AGBL4: variants seen among roughly 807,000 people sequenced by gnomAD.
AGBL4 encodes the protein cytosolic carboxypeptidase 6.
A neutral mutation model predicts 66.4 loss-of-function variants in AGBL4; 58 were observed. The ratio of observed to expected loss-of-function variants is 0.87; its 90% CI spans 0.71 to 1.09. The LOEUF (loss-of-function observed/expected upper bound fraction) is 1.09, where lower values mean the gene tolerates loss of function less well. AGBL4 is among the 50% of genes least tolerant of loss of function. AGBL4 has a pLI of 0.00. For missense variants in AGBL4, 579 were observed against 631.0 expected, an observed-to-expected ratio of 0.92 and a Z score of 0.88; for synonymous variants, 234 against 222.9, an observed-to-expected ratio of 1.05 and a Z score of -0.44.
chr1:49,280,859 A>G (rs1025351357), intron 3 of AGBL4, among the ~76,000 whole-genome samples: 7 of 152,226 alleles, frequency 4.6e-5, no homozygotes, highest in African/African-American at 1.7e-4. Context: ...GGGGGAGATA[A>G]ATAAAAAACC....
chr1:49,213,322 G>C (rs1648818812), intron 4 of AGBL4, among the ~76,000 whole-genome samples: 1 of 152,084 alleles, frequency 6.6e-6, no homozygotes, highest in African/African-American at 2.4e-5. Context: ...ATCTGACATA[G>C]TTTGAATATA....
intron 1 of AGBL4, chr1:49,994,936 A>C: frequency 2.8e-6 from 1 of 356,192 alleles, no homozygotes; most frequent in Non-Finnish European, 5.5e-6. Context: ...CAAATATAAG[A>C]GATGAGCGAA....
chr1:49,095,243 C>G (rs1176317883), intron 4 of AGBL4, among the ~76,000 whole-genome samples: 1 of 152,020 alleles, frequency 6.6e-6, no homozygotes, highest in East Asian at 1.9e-4. Context: ...CAATATTATG[C>G]AAATGACCAT....
intron 5 of AGBL4, among the ~76,000 whole-genome samples, chr1:48,993,017 C>CT (rs1399349014): frequency 1.3e-5 from 2 of 152,076 alleles, no homozygotes; most frequent in Non-Finnish European, 2.9e-5. Context: ...ACAAAGTCTC[C>CT]TTTACTCTTC....
At chr1:48,690,378 A>C (rs1646610169) in intron 6 of AGBL4, among the ~76,000 whole-genome samples, 2 of 152,118 alleles carry the variant, frequency 1.3e-5, no homozygotes, top group Admixed American at 1.3e-4. Context: ...TAGATGCAAA[A>C]ATAAGGAGGC....
At chr1:49,172,688 GA>G (rs1240053473) in intron 4 of AGBL4, among the ~76,000 whole-genome samples, 8 of 152,148 alleles carry the variant, frequency 5.3e-5, no homozygotes, top group Non-Finnish European at 1.2e-4. Flanking sequence ...CACAGAAGAA[GA>G]TAGTAAAAGA....
intron 6 of AGBL4, among the ~76,000 whole-genome samples, chr1:48,692,516 C>T (rs1176352925): frequency 3.3e-5 from 5 of 152,182 alleles, no homozygotes; most frequent in African/African-American, 9.7e-5. Context: ...CCACCCCCAA[C>T]GGAACCATAA....
At chr1:49,980,519 G>A (rs886359492) in intron 1 of AGBL4, among the ~76,000 whole-genome samples, 6 of 152,070 alleles carry the variant, frequency 3.9e-5, no homozygotes, top group African/African-American at 1.4e-4. Flanking sequence ...GAATCATACA[G>A]TATTGTCTTT....
intron 1 of AGBL4, among the ~76,000 whole-genome samples, chr1:49,870,208 T>A (rs1036205725): frequency 1.3e-5 from 2 of 152,158 alleles, no homozygotes; most frequent in African/African-American, 4.8e-5. Context: ...CACAATCTTT[T>A]GGCTATTCAC....
At chr1:49,844,805 G>A in intron 2 of AGBL4, 1 of 1,557,254 alleles carries the variant, frequency 6.4e-7, no homozygotes, top group East Asian at 2.2e-5. Flanking sequence ...CTGTGGTACT[G>A]CAGGGGTGAA....
chr1:49,534,384 C>T (rs1033772164), intron 3 of AGBL4, among the ~76,000 whole-genome samples: 1 of 152,100 alleles, frequency 6.6e-6, no homozygotes, highest in Non-Finnish European at 1.5e-5. Flanking sequence ...TGTAACCCTA[C>T]CAATATCTCC....
At chr1:49,854,489 T>C (rs977866441) in intron 1 of AGBL4, among the ~76,000 whole-genome samples, 1 of 152,082 alleles carries the variant, frequency 6.6e-6, no homozygotes, top group Admixed American at 6.5e-5. Context: ...TCCATTGCAA[T>C]TGCATTGTTC....
rs573824925 is a variant in AGBL4 at position 49,848,696 on chromosome 1, T to C, written c.157+2700A>G. 7.4e-4 allele frequency among the ~76,000 whole-genome samples: 112 copies of C among 152,282 alleles called. 1 individual carries two copies. The highest frequency in any genetic ancestry group is 2.4e-3 in the Admixed American group (36 of 15,298). ...AGGGAATGAGAGATGAGAAATTATT[T>C]AGTCGGTACAATGTATATTATTTGG... On this transcript the variant is annotated intron_variant, in intron 2 of 13. Transcript: ENST00000371839.
At chr1:48,530,516 C>T (rs1296878312), downstream of AGBL4, among the ~76,000 whole-genome samples, 1 of 152,180 alleles carries the variant, frequency 6.6e-6, no homozygotes, top group African/African-American at 2.4e-5. Context: ...GTGTTTACCG[C>T]CCCGCCTCCA....
intron 5 of AGBL4, among the ~76,000 whole-genome samples, chr1:48,871,879 T>G (rs1020518976): frequency 1.3e-5 from 2 of 152,124 alleles, no homozygotes; most frequent in Non-Finnish European, 1.5e-5. Flanking sequence ...CTAGTCACAG[T>G]GGACTTCTCC....
intron 3 of AGBL4, among the ~76,000 whole-genome samples, chr1:49,581,644 G>C (rs1186613774): frequency 6.6e-6 from 1 of 152,154 alleles, no homozygotes; most frequent in Admixed American, 6.5e-5. Flanking sequence ...GTGTGTTAGG[G>C]CATGGTTATT....
At chr1:49,573,578 C>G (rs756289512) in intron 3 of AGBL4, among the ~76,000 whole-genome samples, 1 of 152,032 alleles carries the variant, frequency 6.6e-6, no homozygotes, top group Non-Finnish European at 1.5e-5. Flanking sequence ...AATAATGAAC[C>G]CAGGGATTCT....
rs752105666 is a variant in AGBL4 at position 49,851,427 on chromosome 1, T to C, written c.126A>G (p.Gly42=). 5 of 1,549,978 alleles carry C rather than the reference T, an allele frequency of 3.2e-6. No homozygotes were observed. The South Asian group carries it at 6.0e-5, about 18-fold the overall frequency. The change falls in exon 2 of 14, where the codon GGA becomes GGG. Residue 42 remains glycine, a synonymous_variant. Transcript: ENST00000371839. ...CAAAGCAAGCATCAAAGATAAGATG[T>C]CCTTTCTTGGGCTGTCCACAATAGC... The part of the protein sequence containing the change: ...PTGYCGQPKK[G]HLIFDACFES...
intron 2 of AGBL4, among the ~76,000 whole-genome samples, chr1:49,763,192 T>C (rs1000123840): frequency 3.0e-4 from 46 of 152,178 alleles, no homozygotes; most frequent in African/African-American, 9.2e-4. Context: ...TATAGGAGTG[T>C]GTAATTTATT....
Sources: gnomAD v4.1 joint callset for allele counts (sites outside exome capture counted in the v4.1 genomes callset) on GRCh38, gnomAD v4.1.1 for gene constraint, MANE v1.5 for transcripts, NCBI Gene and HGNC (gene_info 2026-07-23, HGNC 2026-07-21) for gene names.